TAF15: variants seen among roughly 807,000 people sequenced by gnomAD.
TAF15 encodes TATA-box binding protein associated factor 15.
In TAF15, 37 loss-of-function variants were observed where a neutral mutation model predicts 102.5. The ratio of observed to expected loss-of-function variants is 0.36; its 90% CI spans 0.28 to 0.47. The LOEUF (loss-of-function observed/expected upper bound fraction) is 0.47. TAF15 is among the 20% of genes least tolerant of loss of function. The pLI is 0.99. For missense variants in TAF15, 652 were observed against 760.7 expected (o/e 0.86, Z 1.68); for synonymous variants, 273 against 259.2 (o/e 1.05, Z -0.51).
intron 5 of TAF15, among the ~76,000 whole-genome samples, chr17:35,821,040 G>A (rs982478199): frequency 1.3e-5 from 2 of 152,138 alleles, no homozygotes; most frequent in African/African-American, 4.8e-5. Context: ...ATTCTCTAAT[G>A]TGATTGATCT....
chr17:35,818,199 C>T (rs2087217603), intron 2 of TAF15, among the ~76,000 whole-genome samples: 1 of 152,126 alleles, frequency 6.6e-6, no homozygotes, highest in Non-Finnish European at 1.5e-5. Flanking sequence ...AGGTTCACGC[C>T]ATTCTCTGGC....
chr17:35,837,120 A>G (rs2087484561), intron 10 of TAF15, among the ~76,000 whole-genome samples: 1 of 151,682 alleles, frequency 6.6e-6, no homozygotes, highest in African/African-American at 2.4e-5. Flanking sequence ...TTGTTAAGGA[A>G]TTAATTACAC....
chr17:35,833,613 C>A, intron 7 of TAF15: 1 of 297,374 alleles, frequency 3.4e-6, no homozygotes, highest in South Asian at 8.9e-5. Flanking sequence ...GTGCCTCCAG[C>A]TTTATGTTAT....
intron 1 of TAF15, among the ~76,000 whole-genome samples, chr17:35,813,639 C>A (rs1159733879): frequency 2.7e-5 from 4 of 147,136 alleles, no homozygotes; most frequent in Non-Finnish European, 4.5e-5. Context: ...CTGTCCCCCC[C>A]CCCCCGCAAA....
chr17:35,844,221 A>C, intron 13 of TAF15, 59 bp from the exon 14 acceptor site: 4 of 1,611,104 alleles, frequency 2.5e-6, no homozygotes, highest in Non-Finnish European at 8.5e-7. Flanking sequence ...AGGATACAGA[A>C]AGGGGTTCTG....
chr17:35,809,699 G>C (rs1490358989), intron 1 of TAF15, 123 bp downstream of exon 1: 3 of 1,382,670 alleles, frequency 2.2e-6, no homozygotes, highest in Non-Finnish European at 3.0e-6. Flanking sequence ...CTTGGGGTGG[G>C]GGGGCGGCCG....
chr17:35,823,804 C>G, intron 6 of TAF15: 1 of 483,052 alleles, frequency 2.1e-6, no homozygotes. Context: ...TACTGTTCCA[C>G]ATTACTGTTT....
At chr17:35,827,533 C>T (rs969843748) in intron 7 of TAF15, among the ~76,000 whole-genome samples, 14 of 151,886 alleles carry the variant, frequency 9.2e-5, no homozygotes, top group Non-Finnish European at 1.6e-4. Flanking sequence ...GGTGAAACCC[C>T]GTCTCTACTA....
At chr17:35,834,356 A>G (rs2087444484) in intron 8 of TAF15, 1 of 579,478 alleles carries the variant, frequency 1.7e-6, no homozygotes, top group Non-Finnish European at 3.0e-6. Flanking sequence ...GCTGTCTAGG[A>G]CAAGTTAAAG....
intron 7 of TAF15, among the ~76,000 whole-genome samples, chr17:35,825,922 C>G (rs949236977): frequency 8.6e-5 from 13 of 152,034 alleles, no homozygotes; most frequent in African/African-American, 2.9e-4. Flanking sequence ...CCACTGCACT[C>G]CAGCCTGGGC....
At chr17:35,810,458 C>A (rs1285268764) in intron 1 of TAF15, 1 of 152,212 alleles carries the variant, frequency 6.6e-6, no homozygotes, top group Non-Finnish European at 1.5e-5. Context: ...AATAAAAAGT[C>A]TAGAACATGG....
Position 35,822,721 on chromosome 17 carries a change from A to G in TAF15, c.372A>G (p.Gln124=). 6.2e-7 allele frequency: 1 copy of G among 1,614,214 alleles called. No individual in the cohort carries two copies. Among genetic ancestry groups the G allele is most frequent in the East Asian group, 2.2e-5 (1 of 44,876 alleles). ...DSYDQQSGYD[Q]HQGSYDEQSN... is the part of the protein sequence containing the mutation. ...ATGACCAGCAGTCAGGCTATGATCAACATCAAGGCTCATATGATGAGCAGT... is the reference window on the plus strand; with the variant it reads ...ATGACCAGCAGTCAGGCTATGATCAGCATCAAGGCTCATATGATGAGCAGT... The change falls in exon 6 of 16, where the codon CAA becomes CAG. Residue 124 remains glutamine (Q), a synonymous_variant. Coordinates refer to ENST00000605844, the MANE Select transcript of TAF15 (RefSeq NM_139215.3).
At chr17:35,839,320 G>A (rs1370481657) in intron 11 of TAF15, among the ~76,000 whole-genome samples, 1 of 146,014 alleles carries the variant, frequency 6.8e-6, no homozygotes, top group Non-Finnish European at 1.5e-5. Context: ...GTAAAATTTA[G>A]GCTAATTTCC....
Position 35,809,532 on chromosome 17 carries a change from C to T in TAF15, c.-38C>T, listed in dbSNP as rs769231258. 27 of 1,612,528 alleles carry T rather than the reference C, an allele frequency of 1.7e-5. No individual in the cohort carries two copies. Among genetic ancestry groups the T allele is most frequent in the African/African-American group, 1.3e-4 (10 of 74,864 alleles). ...GCCTGGCTTTCGTATTCGTTGTTCT[C>T]GGCGGGCTGTGGGGCCTCCGCGCCG... On this transcript the variant is annotated 5_prime_UTR_variant, in exon 1 of 16. Coordinates refer to ENST00000605844, the MANE Select transcript of TAF15 (RefSeq NM_139215.3).
intron 7 of TAF15, chr17:35,833,605 G>T (rs934567300): frequency 4.7e-5 from 13 of 275,570 alleles, no homozygotes; most frequent in Admixed American, 2.4e-4. Context: ...TTCATGCTGT[G>T]CCTCCAGCTT....
chr17:35,845,806 T>C (rs1406964080), intron 15 of TAF15, among the ~76,000 whole-genome samples: 22 of 152,230 alleles, frequency 1.4e-4, no homozygotes, highest in Admixed American at 1.4e-3. Flanking sequence ...AAATTCTTAT[T>C]CATAAATCTT....
chr17:35,837,633 C>T (rs893939320), intron 10 of TAF15, among the ~76,000 whole-genome samples: 1 of 151,848 alleles, frequency 6.6e-6, no homozygotes, highest in Non-Finnish European at 1.5e-5. Context: ...CAAGACCATC[C>T]TGGCTAACAC....
chr17:35,824,364 T>C, intron 7 of TAF15, 166 bp downstream of exon 7: 1 of 916,512 alleles, frequency 1.1e-6, no homozygotes, highest in East Asian at 2.7e-5. Flanking sequence ...ATTTTCAGTC[T>C]TAATATCTCA....
intron 11 of TAF15, among the ~76,000 whole-genome samples, chr17:35,840,701 T>TA (rs1401382574): frequency 2.0e-5 from 3 of 151,942 alleles, no homozygotes; most frequent in African/African-American, 7.2e-5. Context: ...CCATCTCTAC[T>TA]AAAAATACAA....
Sources: gnomAD v4.1 joint callset for allele counts (sites outside exome capture counted in the v4.1 genomes callset) on GRCh38, gnomAD v4.1.1 for gene constraint, MANE v1.5 for transcripts, NCBI Gene and HGNC (gene_info 2026-07-23, HGNC 2026-07-21) for gene names.